ETFA: variants seen among roughly 807,000 people sequenced by gnomAD.
The protein encoded by ETFA is electron transfer flavoprotein subunit alpha, mitochondrial.
Under a neutral mutation model 46.2 loss-of-function variants are expected in ETFA, and 22 were observed. That is an observed-to-expected ratio of 0.48 (90% CI 0.34 to 0.68). The LOEUF (loss-of-function observed/expected upper bound fraction) is 0.68, where lower values mean the gene tolerates loss of function less well. Ranked by LOEUF, ETFA falls within the 30% of genes least tolerant of loss-of-function variation. The pLI is 0.01. For missense variants in ETFA, 345 were observed against 401.1 expected (o/e 0.86, Z 1.19); for synonymous variants, 131 against 139.9 (o/e 0.94, Z 0.45).
At chr15:76,236,191 A>T (rs2039120309) in intron 9 of ETFA, among the ~76,000 whole-genome samples, 1 of 152,220 alleles carries the variant, frequency 6.6e-6, no homozygotes, top group South Asian at 2.1e-4. Flanking sequence ...TGTAGAAGCT[A>T]AGGGGAAAAC....
intron 9 of ETFA, among the ~76,000 whole-genome samples, chr15:76,270,050 A>G (rs967883463): frequency 6.6e-6 from 1 of 152,238 alleles, no homozygotes; most frequent in Non-Finnish European, 1.5e-5. Flanking sequence ...TAAAACCAGT[A>G]ACATCCACCA....
chr15:76,216,832 CCTTTT>C (rs2038901395), intron 11 of ETFA, among the ~76,000 whole-genome samples: 3 of 132,860 alleles, frequency 2.3e-5, no homozygotes, highest in Non-Finnish European at 4.7e-5. Flanking sequence ...TGCCTAGGTG[CCTTTT>C]GCCTTTTTTT....
chr15:76,216,669 T>G, intron 11 of ETFA, 72 bp from the exon 12 acceptor site: 1 of 989,790 alleles, frequency 1.0e-6, no homozygotes, highest in Non-Finnish European at 1.6e-6. Flanking sequence ...TCCGTAAGCA[T>G]TACAGGGAGG....
chr15:76,234,265 C>G (rs2039100427), intron 9 of ETFA, among the ~76,000 whole-genome samples: 1 of 152,150 alleles, frequency 6.6e-6, no homozygotes, highest in Non-Finnish European at 1.5e-5. Context: ...ATAGCTCTCT[C>G]AGGAAGAGAG....
intron 9 of ETFA, among the ~76,000 whole-genome samples, chr15:76,267,991 T>C (rs2039489245): frequency 1.3e-5 from 2 of 151,856 alleles, no homozygotes; most frequent in Non-Finnish European, 2.9e-5. Flanking sequence ...ACAGTGCAAA[T>C]TGAAGGTTTA....
intron 8 of ETFA, among the ~76,000 whole-genome samples, chr15:76,280,866 G>C (rs959854145): frequency 4.0e-5 from 6 of 149,150 alleles, no homozygotes; most frequent in Non-Finnish European, 8.9e-5. Flanking sequence ...CTCTCCCTCA[G>C]ATCTCCTCAT....
At chr15:76,296,445 T>C (rs2039824131) in intron 1 of ETFA, among the ~76,000 whole-genome samples, 1 of 152,174 alleles carries the variant, frequency 6.6e-6, no homozygotes, top group African/African-American at 2.4e-5. Context: ...CCAATTACAT[T>C]TGGTTACATA....
At chr15:76,303,581 T>C (rs1448702794) in intron 1 of ETFA, among the ~76,000 whole-genome samples, 1 of 152,100 alleles carries the variant, frequency 6.6e-6, no homozygotes, top group East Asian at 1.9e-4. Flanking sequence ...GACAAACGTC[T>C]AATAACCAGA....
intron 9 of ETFA, among the ~76,000 whole-genome samples, chr15:76,269,158 G>A (rs545192740): frequency 1.1e-4 from 16 of 152,306 alleles, no homozygotes; most frequent in East Asian, 3.9e-4. Flanking sequence ...GGAAGCCACC[G>A]CTGGAGAGAA....
At position 76,216,720 on chromosome 15, in the gene ETFA, C is replaced by A. The variant is rs761220840; in HGVS notation, c.964-123G>T. ...CAAATCACTGTTGAGGCACGAGGGC[C>A]CCCTCCTCTCCACCAGGAACCCCCT... On this transcript the variant is annotated intron_variant, in intron 11 of 11. Coordinates refer to ENST00000557943, the MANE Select transcript of ETFA (RefSeq NM_000126.4). 65 of 698,362 alleles carry A rather than the reference C, an allele frequency of 9.3e-5. No individual in the cohort carries two copies. The Admixed American group carries it at 1.4e-3, about 15-fold the overall frequency. The allele number at this position is 698,362 out of a possible 1,614,324, so 43.3% of individuals were successfully genotyped here. A position where few individuals can be genotyped will look rare whatever the true frequency, so the allele number is the denominator to read the frequency against.
intron 9 of ETFA, chr15:76,260,402 A>G: frequency 4.4e-6 from 7 of 1,580,786 alleles, no homozygotes; most frequent in Non-Finnish European, 6.1e-6. Context: ...CCGTTAGCAC[A>G]CCAAGGACCA....
chr15:76,265,915 C>T (rs1440638932), intron 9 of ETFA, among the ~76,000 whole-genome samples: 1 of 152,188 alleles, frequency 6.6e-6, no homozygotes, highest in Non-Finnish European at 1.5e-5. Flanking sequence ...TGTTGAGCCT[C>T]TGGCTCCCAT....
chr15:76,301,554 T>C (rs993235168), intron 1 of ETFA, among the ~76,000 whole-genome samples: 2 of 152,012 alleles, frequency 1.3e-5, no homozygotes, highest in African/African-American at 4.8e-5. Context: ...CTCCTAAAAA[T>C]ACGAAAATTA....
intron 9 of ETFA, among the ~76,000 whole-genome samples, chr15:76,256,400 C>A (rs145896152): frequency 2.6e-5 from 4 of 152,020 alleles, no homozygotes; most frequent in African/African-American, 7.2e-5. Flanking sequence ...TGGGTTGTCT[C>A]GAGGGAAAGC....
intron 9 of ETFA, among the ~76,000 whole-genome samples, chr15:76,257,718 C>T (rs1049756134): frequency 2.0e-5 from 3 of 151,792 alleles, no homozygotes; most frequent in Non-Finnish European, 2.9e-5. Context: ...CACATGCACA[C>T]GTATGTTTAT....
intron 9 of ETFA, among the ~76,000 whole-genome samples, chr15:76,256,398 C>T (rs2039346394): frequency 6.6e-6 from 1 of 151,800 alleles, no homozygotes; most frequent in African/African-American, 2.4e-5. Context: ...AATGGGTTGT[C>T]TCGAGGGAAA....
At chr15:76,269,265 T>C (rs2039504130) in intron 9 of ETFA, among the ~76,000 whole-genome samples, 1 of 152,180 alleles carries the variant, frequency 6.6e-6, no homozygotes, top group Admixed American at 6.5e-5. Context: ...GGAGAGAAAC[T>C]GAGGCAGGGC....
At chr15:76,247,599 C>T (rs1028590144) in intron 9 of ETFA, among the ~76,000 whole-genome samples, 1 of 152,024 alleles carries the variant, frequency 6.6e-6, no homozygotes, top group Non-Finnish European at 1.5e-5. Flanking sequence ...TTAATCAGTA[C>T]ATTTTTTTTT....
At chr15:76,242,585 C>T (rs531159751) in intron 9 of ETFA, among the ~76,000 whole-genome samples, 10 of 152,312 alleles carry the variant, frequency 6.6e-5, no homozygotes, top group Non-Finnish European at 1.2e-4. Flanking sequence ...CAAACAGATA[C>T]TTGCATGTGA....
Sources: gnomAD v4.1 joint callset for allele counts (sites outside exome capture counted in the v4.1 genomes callset) on GRCh38, gnomAD v4.1.1 for gene constraint, MANE v1.5 for transcripts, NCBI Gene and HGNC (gene_info 2026-07-23, HGNC 2026-07-21) for gene names.